CHRM3: variants seen among roughly 807,000 people sequenced by gnomAD.
CHRM3 encodes muscarinic acetylcholine receptor M3.
In CHRM3, 11 loss-of-function variants were observed where a neutral mutation model predicts 41.8. The ratio of observed to expected loss-of-function variants is 0.26; its 90% CI spans 0.17 to 0.44. CHRM3 has a LOEUF of 0.44. Among genes scored for constraint, CHRM3 ranks in the 20% least tolerant of loss-of-function variants. The pLI is 1.00. For missense variants in CHRM3, 571 were observed against 745.4 expected (o/e 0.77, Z 2.72); for synonymous variants, 297 against 301.4 (o/e 0.99, Z 0.15).
chr1:239,514,890 G>C (rs2148222141), intron 2 of CHRM3, among the ~76,000 whole-genome samples: 1 of 152,194 alleles, frequency 6.6e-6, no homozygotes, highest in South Asian at 2.1e-4. Context: ...TGATACCATG[G>C]TAGAAGTAAA....
intron 5 of CHRM3, among the ~76,000 whole-genome samples, chr1:239,701,586 CTT>C (rs1660693134): frequency 6.6e-6 from 1 of 152,200 alleles, no homozygotes; most frequent in African/African-American, 2.4e-5. Context: ...CTATCTGGCT[CTT>C]ACCTCTCACG....
intron 3 of CHRM3, among the ~76,000 whole-genome samples, chr1:239,576,126 T>C (rs942911107): frequency 1.1e-4 from 17 of 152,134 alleles, no homozygotes; most frequent in Non-Finnish European, 2.5e-4. Context: ...GCTTCATCCA[T>C]GTTGTGTCAT....
chr1:239,765,940 C>G (rs1667169206), intron 5 of CHRM3, among the ~76,000 whole-genome samples: 2 of 151,746 alleles, frequency 1.3e-5, no homozygotes, highest in Non-Finnish European at 2.9e-5. Flanking sequence ...TCTCAGCCTC[C>G]CGAGTAGCTG....
chr1:239,704,299 T>C (rs2148131355), intron 5 of CHRM3: 1 of 152,274 alleles, frequency 6.6e-6, no homozygotes, highest in African/African-American at 2.4e-5. Context: ...AATGTTGAGC[T>C]GACCTTGGAC....
chr1:239,404,940 T>C (rs963001358), intron 1 of CHRM3, among the ~76,000 whole-genome samples: 26 of 151,682 alleles, frequency 1.7e-4, no homozygotes, highest in African/African-American at 6.3e-4. Flanking sequence ...TCTGAGCAAG[T>C]AATCATGTAT....
intron 6 of CHRM3, among the ~76,000 whole-genome samples, chr1:239,891,075 A>G (rs1192175595): frequency 6.6e-6 from 1 of 152,130 alleles, no homozygotes; most frequent in African/African-American, 2.4e-5. Context: ...ACATGGTTCT[A>G]AATTGTCTAC....
chr1:239,399,722 A>G (rs1438240935), intron 1 of CHRM3, among the ~76,000 whole-genome samples: 1 of 76,186 alleles, frequency 1.3e-5, no homozygotes, highest in Non-Finnish European at 2.9e-5. Context: ...TATATATACC[A>G]CATTTTCTTT....
intron 4 of CHRM3, among the ~76,000 whole-genome samples, chr1:239,641,712 T>G (rs1214713023): frequency 6.9e-6 from 1 of 144,410 alleles, no homozygotes; most frequent in Non-Finnish European, 1.5e-5. Flanking sequence ...GTCTTGACTC[T>G]TTATCCAATT....
intron 5 of CHRM3, among the ~76,000 whole-genome samples, chr1:239,786,375 G>A (rs1668895168): frequency 6.6e-6 from 1 of 152,102 alleles, no homozygotes; most frequent in Non-Finnish European, 1.5e-5. Flanking sequence ...AACATTCCAT[G>A]TGTATTTCCT....
At chr1:239,673,446 C>G (rs921361914) in intron 4 of CHRM3, among the ~76,000 whole-genome samples, 1 of 152,086 alleles carries the variant, frequency 6.6e-6, no homozygotes, top group Admixed American at 6.5e-5. Context: ...CCTCCAATAT[C>G]AAATAGTTAA....
intron 2 of CHRM3, among the ~76,000 whole-genome samples, chr1:239,535,900 A>G (rs900349342): frequency 1.3e-5 from 2 of 152,054 alleles, no homozygotes; most frequent in Admixed American, 6.6e-5. Flanking sequence ...TTGATTCTGA[A>G]CCATACCTTG....
intron 6 of CHRM3, among the ~76,000 whole-genome samples, chr1:239,904,270 A>G (rs114684219): frequency 6.6e-6 from 1 of 152,148 alleles, no homozygotes; most frequent in Non-Finnish European, 1.5e-5. Context: ...GTGCTGGAAA[A>G]CCAAACTGGA....
chr1:239,722,822 T>C (rs1022189403), intron 5 of CHRM3, among the ~76,000 whole-genome samples: 2 of 151,948 alleles, frequency 1.3e-5, no homozygotes, highest in African/African-American at 4.8e-5. Flanking sequence ...TTGAATCTCA[T>C]ATTTCTTATA....
rs187768275 is a variant in CHRM3, at chr1:239,402,091, G to T, written c.-521+14864G>T. Among the ~76,000 whole-genome samples the T allele has an allele frequency of 4.6e-5, 7 of 152,112 alleles. No individual in the cohort carries two copies. In the East Asian group the frequency reaches 1.4e-3, roughly 30 times the overall value. On this transcript the variant is annotated intron_variant, in intron 1 of 6. Coordinates refer to ENST00000676153, the MANE Select transcript of CHRM3 (RefSeq NM_001375978.1). ...TCCCAAGTGCTACATATTCATTTCT[G>T]GCCCTCTTTTAGACATTTCTACAAA...
intron 5 of CHRM3, among the ~76,000 whole-genome samples, chr1:239,753,314 A>T (rs1324058771): frequency 6.6e-6 from 1 of 152,172 alleles, no homozygotes; most frequent in Non-Finnish European, 1.5e-5. Context: ...TCACACTGCT[A>T]TAAAGAACTA....
In CHRM3 at chr1:239,907,880, C is replaced by T; in HGVS notation, c.429C>T (p.Leu143=). The change falls in exon 7 of 7, where the codon CTC becomes CTT. Residue 143 remains leucine (L), a synonymous_variant. Transcript: ENST00000676153. The surrounding 1 kb of genome is among the most constrained non-coding windows in gnomAD (Gnocchi z 5.4). ...CCTTAGGGAACTTGGCCTGTGACCT[C>T]TGGCTTGCCATTGACTACGTAGCCA... ...RWALGNLACD[L]WLAIDYVASN... is the part of the protein sequence containing the mutation. 6.2e-7 allele frequency: 1 copy of T among 1,614,248 alleles called. No individual in the cohort carries two copies. Among genetic ancestry groups the T allele is most frequent in the South Asian group, 1.1e-5 (1 of 91,086 alleles).
At chr1:239,744,556 G>A (rs1665177961) in intron 5 of CHRM3, among the ~76,000 whole-genome samples, 1 of 152,100 alleles carries the variant, frequency 6.6e-6, no homozygotes, top group African/African-American at 2.4e-5. Flanking sequence ...GCATGTGAAC[G>A]GCTTGTTCCC....
intron 4 of CHRM3, among the ~76,000 whole-genome samples, chr1:239,643,493 G>T (rs750393884): frequency 4.8e-4 from 73 of 152,270 alleles, no homozygotes; most frequent in East Asian, 7.7e-4. Flanking sequence ...TCCCCCAGCC[G>T]CGCTGCCGCC....
chr1:239,745,439 C>CAAAA (rs113616910), intron 5 of CHRM3, among the ~76,000 whole-genome samples: 10 of 143,464 alleles, frequency 7.0e-5, no homozygotes, highest in African/African-American at 2.5e-4. Flanking sequence ...CTTTTCCTGT[C>CAAAA]AAAAAAAAAA....
Sources: allele counts gnomAD v4.1 joint callset (sites outside exome capture counted in the v4.1 genomes callset), GRCh38; gene constraint gnomAD v4.1.1; non-coding constraint Gnocchi (gnomAD v3.1); transcripts MANE v1.5; gene names NCBI Gene and HGNC (gene_info 2026-07-23, HGNC 2026-07-21).